The following HMCN1 variants were observed in gnomAD, a reference collection of about 807,000 sequenced individuals.
HMCN1 encodes the protein hemicentin 1.
Under a neutral mutation model 625.9 loss-of-function variants are expected in HMCN1, and 321 were observed. The ratio of observed to expected loss-of-function variants is 0.51; its 90% confidence interval spans 0.47 to 0.56. The LOEUF is 0.56. Ranked by LOEUF, HMCN1 falls within the 20% of genes least tolerant of loss-of-function variation. HMCN1 has a pLI of 0.00. For missense variants in HMCN1, 6,588 were observed against 6,887.3 expected (o/e 0.96, Z 1.54); for synonymous variants, 2,425 against 2,417.6 (o/e 1.00, Z -0.09).
chr1:185,957,320 A>G (rs1453625787), intron 11 of HMCN1, among the ~76,000 whole-genome samples: 2 of 152,206 alleles, frequency 1.3e-5, no homozygotes. Context: ...GTTTTGCAAA[A>G]TTTTACAAAA....
chr1:186,009,146 C>A (rs2102103675), intron 30 of HMCN1, among the ~76,000 whole-genome samples: 1 of 152,246 alleles, frequency 6.6e-6, no homozygotes, highest in Non-Finnish European at 1.5e-5. Context: ...ATATTTTTCC[C>A]AAGCTGTTGA....
At chr1:185,842,262 T>C (rs372688876) in intron 1 of HMCN1, among the ~76,000 whole-genome samples, 1 of 152,320 alleles carries the variant, frequency 6.6e-6, no homozygotes, top group Middle Eastern at 3.4e-3. Flanking sequence ...TTTTGTTAAA[T>C]AGATTTGAGA....
At chr1:186,119,613 C>A in intron 78 of HMCN1, 132 bp from the exon 79 acceptor site, 1 of 981,892 alleles carries the variant, frequency 1.0e-6, no homozygotes, top group South Asian at 1.5e-5. Context: ...CCAACATTCA[C>A]TTTTCTCTTG....
Position 186,126,099 on chromosome 1 carries a change from A to G in HMCN1, c.12690+305A>G, listed in dbSNP as rs538573116. 1.3e-3 allele frequency among the ~76,000 whole-genome samples: 192 copies of G among 152,252 alleles called. 1 individual carries two copies. Among genetic ancestry groups the G allele is most frequent in the Admixed American group, 1.8e-3 (28 of 15,278 alleles). The stretch of plus-strand genomic sequence containing the variant: ...GTGCTCTTAACCTTATTTGGCAATG[A>G]TAAGTATCTAGAGTAAATAATTGTA... On this transcript the variant is annotated intron_variant, in intron 82 of 106. Transcript: ENST00000271588.
chr1:186,146,908 G>A (rs928124685), intron 93 of HMCN1, among the ~76,000 whole-genome samples: 15 of 152,184 alleles, frequency 9.9e-5, no homozygotes, highest in African/African-American at 3.6e-4. Context: ...AGAATGAGGA[G>A]TCTTTTGAGC....
chr1:185,990,487 A>G, intron 22 of HMCN1, 44 bp downstream of exon 22: 2 of 1,540,670 alleles, frequency 1.3e-6, no homozygotes, highest in South Asian at 2.2e-5. Context: ...AACATAATCA[A>G]CCTCTTGGGA....
At chr1:185,808,881 T>C (rs1176259282) in intron 1 of HMCN1, among the ~76,000 whole-genome samples, 1 of 152,146 alleles carries the variant, frequency 6.6e-6, no homozygotes, top group African/African-American at 2.4e-5. Context: ...AAAAAAGTAT[T>C]CAGAAGGGAA....
intron 57 of HMCN1, 54 bp from the exon 58 acceptor site, chr1:186,086,192 G>A: frequency 1.4e-6 from 2 of 1,470,892 alleles, no homozygotes; most frequent in Non-Finnish European, 9.5e-7. Flanking sequence ...TTTAGTAAAT[G>A]GGAATATATG....
chr1:186,152,995 A>G lies in HMCN1; in HGVS notation c.15018+124A>G, dbSNP rs1571426731. 4 of 1,269,536 alleles carry G rather than the reference A, an allele frequency of 3.2e-6. No individual in the cohort carries two copies. The East Asian group carries it at 9.5e-5, about 30-fold the overall frequency. The allele number at this position is 1,269,536 out of a possible 1,614,324, so 78.6% of individuals were successfully genotyped here. On this transcript the variant is annotated intron_variant, in intron 96 of 106. Transcript: ENST00000271588. ...AAAATGTCCAAACTACCAAGGCTAT[A>G]AATAACTATCTGATCTTTGTTTAAA...
intron 23 of HMCN1, 28 bp from the exon 24 acceptor site, chr1:185,994,787 A>G: frequency 6.2e-7 from 1 of 1,607,282 alleles, no homozygotes; most frequent in Non-Finnish European, 8.5e-7. Flanking sequence ...TGAAAGTTGG[A>G]TTATTAATAC....
At chr1:185,853,840 A>G (rs1662306014) in intron 2 of HMCN1, among the ~76,000 whole-genome samples, 1 of 152,162 alleles carries the variant, frequency 6.6e-6, no homozygotes, top group African/African-American at 2.4e-5. Context: ...AAATTTCTTG[A>G]ATTTCTTTTA....
intron 1 of HMCN1, among the ~76,000 whole-genome samples, chr1:185,818,482 C>A (rs915727474): frequency 6.6e-6 from 1 of 152,040 alleles, no homozygotes; most frequent in Non-Finnish European, 1.5e-5. Context: ...TGGATAAACT[C>A]GATTTGGTCA....
At chr1:185,960,995 T>C (rs74134230) in intron 11 of HMCN1, among the ~76,000 whole-genome samples, 2,762 of 152,276 alleles carry the variant, frequency 0.018, 69 homozygotes, top group African/African-American at 0.062. Context: ...CACATTTCTC[T>C]AGCCCTATGC....
intron 2 of HMCN1, among the ~76,000 whole-genome samples, chr1:185,863,524 A>C (rs1028073316): frequency 6.6e-6 from 1 of 152,226 alleles, no homozygotes; most frequent in Non-Finnish European, 1.5e-5. Flanking sequence ...GACATAATAG[A>C]ATGTTATGCC....
At chr1:185,840,909 A>G (rs1202061014) in intron 1 of HMCN1, among the ~76,000 whole-genome samples, 3 of 152,172 alleles carry the variant, frequency 2.0e-5, no homozygotes, top group Admixed American at 6.5e-5. Context: ...ATGTGTAGGC[A>G]GTGTTTAGAC....
At chr1:185,766,628 C>A (rs1384637292) in intron 1 of HMCN1, among the ~76,000 whole-genome samples, 1 of 152,062 alleles carries the variant, frequency 6.6e-6, no homozygotes, top group African/African-American at 2.4e-5. Flanking sequence ...TTAAATACAC[C>A]TTACCTAGGC....
intron 22 of HMCN1, among the ~76,000 whole-genome samples, chr1:185,991,711 T>A (rs1033658544): frequency 3.3e-5 from 5 of 150,356 alleles, no homozygotes; most frequent in African/African-American, 1.3e-4. Flanking sequence ...ATTCTTTTTT[T>A]TAAAAAAAAA....
rs200491623 is a variant in HMCN1 at position 186,006,712 on chromosome 1, ATAT to A, written c.4476-411_4476-409del. Among the ~76,000 whole-genome samples the A allele has an allele frequency of 4.9e-3, 746 of 151,714 alleles. 14 individuals carry two copies. The highest frequency in any genetic ancestry group is 0.017 in the African/African-American group (717 of 41,514). ...ATTATAATGATATTATTTAAAAATA[ATAT>A]TATTTGGTCCAAAATCTATACTGTA... On this transcript the variant is annotated intron_variant, in intron 29 of 106. Coordinates refer to ENST00000271588, the MANE Select transcript of HMCN1 (RefSeq NM_031935.3).
chr1:186,031,471 G>A (rs931415771), intron 36 of HMCN1, among the ~76,000 whole-genome samples: 1 of 151,548 alleles, frequency 6.6e-6, no homozygotes, highest in Non-Finnish European at 1.5e-5. Flanking sequence ...AAACAGTTTG[G>A]TTTTGATGTC....
Sources: allele counts gnomAD v4.1 joint callset (sites outside exome capture counted in the v4.1 genomes callset), GRCh38; gene constraint gnomAD v4.1.1; transcripts MANE v1.5; gene names NCBI Gene and HGNC (gene_info 2026-07-23, HGNC 2026-07-21).